The following GTF2H5 variants were observed in gnomAD, a reference collection of about 807,000 sequenced individuals.
GTF2H5 encodes the protein TFB5 ortholog.
A neutral mutation model predicts 7.1 loss-of-function variants in GTF2H5; 5 were observed. The observed-to-expected ratio is 0.71, with a 90% CI of 0.37 to 1.49. GTF2H5 has a LOEUF of 1.49. Among genes scored for constraint, GTF2H5 ranks in the 40% most tolerant of loss-of-function variants. The pLI, the probability that GTF2H5 is intolerant of heterozygous loss-of-function variation, is 0.03. For missense variants in GTF2H5, 80 were observed against 83.0 expected, an observed-to-expected ratio of 0.96 and a Z score of 0.14; for synonymous variants, 30 against 31.7, an observed-to-expected ratio of 0.95 and a Z score of 0.18.
intron 2 of GTF2H5, among the ~76,000 whole-genome samples, chr6:158,179,389 G>A (rs573551928): frequency 7.9e-5 from 12 of 152,162 alleles, no homozygotes; most frequent in East Asian, 7.7e-4. Flanking sequence ...GAAGAAAGTC[G>A]GTGGTAGCTT....
intron 2 of GTF2H5, among the ~76,000 whole-genome samples, chr6:158,177,165 G>A (rs1562472299): frequency 6.6e-6 from 1 of 152,198 alleles, no homozygotes; most frequent in African/African-American, 2.4e-5. Flanking sequence ...AGAACTAATT[G>A]TAATTTAAAC....
At chr6:158,169,359 CAT>C (rs1162505623) in intron 1 of GTF2H5, among the ~76,000 whole-genome samples, 36 of 66,264 alleles carry the variant, frequency 5.4e-4, no homozygotes, top group East Asian at 4.5e-3. Context: ...ATATATAATA[CAT>C]ATATATAATA....
intron 2 of GTF2H5, among the ~76,000 whole-genome samples, chr6:158,187,140 G>A (rs1396033102): frequency 6.6e-6 from 1 of 151,820 alleles, no homozygotes; most frequent in African/African-American, 2.4e-5. Flanking sequence ...TATTACAAGC[G>A]CCTGCCACCA....
rs1208900644 is a variant in GTF2H5, at chr6:158,194,857, G to C, written c.*2700G>C. ...GTATTAGAACTGCAAAGAGTATTAA[G>C]TGAAATAAGTGAAGGAAAATATGAG... On this transcript the variant is annotated 3_prime_UTR_variant, in exon 3 of 3. Transcript: ENST00000607778. 1.3e-5 allele frequency: 2 copies of C among 152,204 alleles called. No homozygotes were observed. Among genetic ancestry groups the C allele is most frequent in the Non-Finnish European group, 2.9e-5 (2 of 68,036 alleles). 9.4% of individuals were successfully genotyped at this position (152,204 alleles called of 1,614,324 possible). A position where few individuals can be genotyped will look rare whatever the true frequency, so the allele number is the denominator to read the frequency against.
chr6:158,170,387 T>G, intron 1 of GTF2H5, 83 bp from the exon 2 acceptor site: 1 of 760,178 alleles, frequency 1.3e-6, no homozygotes, highest in South Asian at 1.5e-5. Context: ...ATTTAATTAT[T>G]TTGCCTCGTT....
In GTF2H5 at chr6:158,193,114, A is replaced by G. The variant is rs898871535; in HGVS notation, c.*957A>G. On this transcript the variant is annotated 3_prime_UTR_variant, in exon 3 of 3. Coordinates refer to ENST00000607778, the MANE Select transcript of GTF2H5 (RefSeq NM_207118.3). ...CACTTTGGGAGGCTGAGGCAGGCAG[A>G]TCGCTTGAGTCCAGGAGTCGAAACC... The G allele has an allele frequency of 1.3e-4, 19 of 150,676 alleles. No homozygotes were observed. Among genetic ancestry groups the G allele is most frequent in the African/African-American group, 4.4e-4 (18 of 40,910 alleles). 9.3% of individuals were successfully genotyped at this position (150,676 alleles called of 1,614,324 possible). A position where few individuals can be genotyped will look rare whatever the true frequency, so the allele number is the denominator to read the frequency against.
At chr6:158,182,079 A>C (rs936265933) in intron 2 of GTF2H5, among the ~76,000 whole-genome samples, 31 of 152,190 alleles carry the variant, frequency 2.0e-4, no homozygotes, top group Non-Finnish European at 4.3e-4. Context: ...GATGGTGACA[A>C]AATCTCTCAG....
Position 158,197,615 on chromosome 6 carries a change from T to TA in GTF2H5, c.*5459dup, listed in dbSNP as rs1777133095. On this transcript the variant is annotated 3_prime_UTR_variant, in exon 3 of 3. Coordinates refer to ENST00000607778, the MANE Select transcript of GTF2H5 (RefSeq NM_207118.3). ...GACTTTTTGGAGGGCCAAATAAAGA[T>TA]ATCATCTGCTTATTATGAGAGTGTT... is the stretch of plus-strand genomic sequence containing the variant. The TA allele has an allele frequency of 6.6e-6, 1 of 152,204 alleles. No individual in the cohort carries two copies. The highest frequency in any genetic ancestry group is 2.1e-4 in the South Asian group (1 of 4,830). The allele number at this position is 152,204 out of a possible 1,614,324, so 9.4% of individuals were successfully genotyped here.
intron 2 of GTF2H5, chr6:158,191,009 A>C: frequency 4.2e-6 from 2 of 481,834 alleles, no homozygotes; most frequent in Non-Finnish European, 8.1e-6. Flanking sequence ...CAAGTTAATA[A>C]AATTGAATTT....
At chr6:158,181,596 T>G (rs1786011367) in intron 2 of GTF2H5, among the ~76,000 whole-genome samples, 1 of 152,346 alleles carries the variant, frequency 6.6e-6, no homozygotes, top group South Asian at 2.1e-4. Context: ...TAGCTCTTCT[T>G]GTTGAATTGA....
At chr6:158,191,896 C>A in intron 2 of GTF2H5, 81 bp from the exon 3 acceptor site, 1 of 1,087,664 alleles carries the variant, frequency 9.2e-7, no homozygotes. Flanking sequence ...AAAAATTCTA[C>A]ATGTTCACAT....
At chr6:158,171,043 A>T (rs987588693) in intron 2 of GTF2H5, among the ~76,000 whole-genome samples, 1 of 152,164 alleles carries the variant, frequency 6.6e-6, no homozygotes, top group Non-Finnish European at 1.5e-5. Flanking sequence ...GTCTGAAAAT[A>T]CTACTGTCTA....
Position 158,193,028 on chromosome 6 carries a change from G to A in GTF2H5, c.*871G>A, listed in dbSNP as rs1777053994. The A allele has an allele frequency of 6.6e-6, 1 of 151,656 alleles. No individual in the cohort carries two copies. Among genetic ancestry groups the A allele is most frequent in the Admixed American group, 6.6e-5 (1 of 15,202 alleles). The allele number at this position is 151,656 out of a possible 1,614,324, so 9.4% of individuals were successfully genotyped here. Reference sequence around the variant, plus strand: ...TATGCAAAGTCAGCCCAACAGGAAAGGACATATTAGATTAAAATACATTGC... The same window carrying A: ...TATGCAAAGTCAGCCCAACAGGAAAAGACATATTAGATTAAAATACATTGC... On this transcript the variant is annotated 3_prime_UTR_variant, in exon 3 of 3. Transcript: ENST00000607778.
intron 1 of GTF2H5, among the ~76,000 whole-genome samples, chr6:158,169,368 A>AATATGTATATTATATATTATAT (rs1785715006): frequency 9.9e-6 from 1 of 101,148 alleles, no homozygotes; most frequent in Non-Finnish European, 1.8e-5. Flanking sequence ...ACATATATAT[A>AATATGTATATTATATATTATAT]ATATGTATAT....
rs1475093808 is a variant in GTF2H5, at chr6:158,197,507, G to A, written c.*5350G>A. The A allele has an allele frequency of 6.6e-6, 1 of 152,096 alleles. No homozygotes were observed. Among genetic ancestry groups the A allele is most frequent in the Non-Finnish European group, 1.5e-5 (1 of 68,012 alleles). 9.4% of individuals were successfully genotyped at this position (152,096 alleles called of 1,614,324 possible). On this transcript the variant is annotated 3_prime_UTR_variant, in exon 3 of 3. Coordinates refer to ENST00000607778, the MANE Select transcript of GTF2H5 (RefSeq NM_207118.3). The stretch of plus-strand genomic sequence containing the variant: ...ACAATGGCTACCAAGAGGTGGAAGT[G>A]GCCCAGTCACAGCAAGAGCAGATTG...
At chr6:158,176,145 C>T (rs557162522) in intron 2 of GTF2H5, among the ~76,000 whole-genome samples, 1 of 152,306 alleles carries the variant, frequency 6.6e-6, no homozygotes, top group Admixed American at 6.5e-5. Flanking sequence ...GATTTTAAAT[C>T]CCGGTATTCT....
At position 158,192,563 on chromosome 6, in the gene GTF2H5, G is replaced by T; in HGVS notation, c.*406G>T. ...ATTTGCTGTTTGAATATGCCAAGGT[G>T]GGGACTTAGACATTATGTACGTCTC... On this transcript the variant is annotated 3_prime_UTR_variant, in exon 3 of 3. Transcript: ENST00000607778. 4.0e-6 allele frequency: 1 copy of T among 252,764 alleles called. No individual in the cohort carries two copies. Among genetic ancestry groups the T allele is most frequent in the Non-Finnish European group, 7.7e-6 (1 of 129,136 alleles). 15.7% of individuals were successfully genotyped at this position (252,764 alleles called of 1,614,324 possible).
chr6:158,189,795 G>A (rs927535938), intron 2 of GTF2H5, among the ~76,000 whole-genome samples: 19 of 152,118 alleles, frequency 1.2e-4, no homozygotes, highest in East Asian at 7.7e-4. Context: ...CCTCCCATAT[G>A]AAACCCACTC....
chr6:158,190,872 AGT>A (rs34815722), intron 2 of GTF2H5: 69,634 of 502,586 alleles, frequency 0.14, 6,804 homozygotes, highest in African/African-American at 0.37. Flanking sequence ...AGATCTAAAG[AGT>A]GTCCTTTGTC....
Sources: gnomAD v4.1 joint callset for allele counts (sites outside exome capture counted in the v4.1 genomes callset) on GRCh38, gnomAD v4.1.1 for gene constraint, MANE v1.5 for transcripts, NCBI Gene and HGNC (gene_info 2026-07-23, HGNC 2026-07-21) for gene names.